Variants in SLFN12L observed in about 807,000 individuals in gnomAD.
SLFN12L encodes the protein schlafen family member 12 like, also known as schlafen family member 12-like.
SLFN12L carries 34 observed loss-of-function variants against 34.8 expected under a neutral mutation model. The ratio of observed to expected loss-of-function variants is 0.98; its 90% CI spans 0.74 to 1.30. The LOEUF (loss-of-function observed/expected upper bound fraction) is 1.30, where lower values mean the gene tolerates loss of function less well. Ranked by LOEUF, SLFN12L falls within the 50% of genes most tolerant of loss-of-function variation. SLFN12L has a pLI of 0.00. For missense variants in SLFN12L, 703 were observed against 696.2 expected (o/e 1.01, Z -0.11); for synonymous variants, 259 against 247.5 (o/e 1.05, Z -0.44).
intron 4 of SLFN12L, 117 bp from the exon 5 acceptor site, chr17:35,475,602 G>C: frequency 7.0e-7 from 1 of 1,420,632 alleles, no homozygotes; most frequent in Non-Finnish European, 9.2e-7. Context: ...TAAAAGCTAT[G>C]TAAAAGTGTA....
rs1331983872 is a variant in SLFN12L at position 35,467,928 on chromosome 17, G to A, written c.*6995C>T. 2.0e-5 allele frequency among the ~76,000 whole-genome samples: 3 copies of A among 152,216 alleles called. No individual in the cohort carries two copies. Among genetic ancestry groups the A allele is most frequent in the Admixed American group, 1.3e-4 (2 of 15,290 alleles). ...TTGTTTTTGCTTTTTGTTTTGGTCT[G>A]AGACAAGGTCTCACTCTGTTACCCA... On this transcript the variant is annotated 3_prime_UTR_variant, in exon 5 of 5. Transcript: ENST00000628453.
At position 35,467,901 on chromosome 17, in the gene SLFN12L, GT is replaced by G. The variant is rs769404202; in HGVS notation, c.*7021del. Reference sequence around the variant, plus strand: ...TCTGTTTATCTTTTTTGTTTTGTTTGTTTGTTTTTGCTTTTTGTTTTGGTCT... The same window carrying G: ...TCTGTTTATCTTTTTTGTTTTGTTTGTTGTTTTTGCTTTTTGTTTTGGTCT... On this transcript the variant is annotated 3_prime_UTR_variant, in exon 5 of 5. Transcript: ENST00000628453. 5.3e-5 allele frequency among the ~76,000 whole-genome samples: 8 copies of G among 152,174 alleles called. No individual in the cohort carries two copies. Among genetic ancestry groups the G allele is most frequent in the Non-Finnish European group, 8.8e-5 (6 of 67,994 alleles).
intron 2 of SLFN12L, chr17:35,498,145 G>T (rs907781670): frequency 1.6e-5 from 10 of 615,980 alleles, no homozygotes; most frequent in Admixed American, 1.3e-4. Context: ...CAGCAGAGAC[G>T]ACGGAGGCGG....
intron 2 of SLFN12L, among the ~76,000 whole-genome samples, chr17:35,485,070 T>C (rs1198444607): frequency 1.3e-5 from 2 of 152,224 alleles, no homozygotes; most frequent in East Asian, 1.9e-4. Context: ...ATAAAATCAA[T>C]AGTAATGTCT....
chr17:35,519,824 G>C (rs1045431325), intron 2 of SLFN12L, among the ~76,000 whole-genome samples: 6 of 152,014 alleles, frequency 3.9e-5, no homozygotes, highest in African/African-American at 1.5e-4. Context: ...AAAATCCTAA[G>C]CCCCCCAACC....
At position 35,474,687 on chromosome 17, in the gene SLFN12L, C is replaced by CA. The variant is rs765737302; in HGVS notation, c.*235_*236insT. 4 of 269,878 alleles carry CA rather than the reference C, an allele frequency of 1.5e-5. No individual in the cohort carries two copies. Among genetic ancestry groups the CA allele is most frequent in the African/African-American group, 3.7e-5 (1 of 27,096 alleles). 16.7% of individuals were successfully genotyped at this position (269,878 alleles called of 1,614,324 possible). On this transcript the variant is annotated 3_prime_UTR_variant, in exon 5 of 5. Coordinates refer to ENST00000628453, the MANE Select transcript of SLFN12L (RefSeq NM_001363830.2). ...CTGTACTCCTAGCACTTTGGGAGAC[C>CA]GGGGGGGGGGGTTGAATCACGAGGT...
intron 2 of SLFN12L, among the ~76,000 whole-genome samples, chr17:35,505,671 A>G (rs991605768): frequency 6.6e-6 from 1 of 152,132 alleles, no homozygotes; most frequent in African/African-American, 2.4e-5. Context: ...TTCTAGTGGG[A>G]CCAATCTCCA....
At chr17:35,497,811 C>A (rs1009116661) in intron 2 of SLFN12L, among the ~76,000 whole-genome samples, 37 of 152,144 alleles carry the variant, frequency 2.4e-4, no homozygotes, top group African/African-American at 8.7e-4. Context: ...ACTTCAGAAG[C>A]ATTAAATTTG....
At chr17:35,483,041 C>T (rs537800714) in intron 2 of SLFN12L, among the ~76,000 whole-genome samples, 16 of 152,200 alleles carry the variant, frequency 1.1e-4, no homozygotes, top group African/African-American at 2.2e-4. Flanking sequence ...GACAACCAGC[C>T]GCAGAGTGGA....
intron 2 of SLFN12L, among the ~76,000 whole-genome samples, chr17:35,507,851 T>G (rs1054532462): frequency 1.2e-4 from 19 of 152,018 alleles, no homozygotes; most frequent in African/African-American, 4.1e-4. Flanking sequence ...AAGACATGGG[T>G]AGTGAGAATG....
At chr17:35,529,395 CAT>C in intron 1 of SLFN12L, among the ~76,000 whole-genome samples, 1 of 152,298 alleles carries the variant, frequency 6.6e-6, no homozygotes, top group South Asian at 2.1e-4. Flanking sequence ...CACATACACA[CAT>C]ATGTTTATTG....
chr17:35,530,853 T>G (rs1233846259), intron 1 of SLFN12L, among the ~76,000 whole-genome samples: 2 of 152,184 alleles, frequency 1.3e-5, no homozygotes, highest in African/African-American at 4.8e-5. Context: ...TGAAAACATT[T>G]CGTTATTTGA....
chr17:35,508,866 A>G (rs1482074873), intron 2 of SLFN12L, among the ~76,000 whole-genome samples: 1 of 152,090 alleles, frequency 6.6e-6, no homozygotes, highest in African/African-American at 2.4e-5. Context: ...AGAGTTTGGG[A>G]TTATTCTGGG....
rs1313280286 is a variant in SLFN12L, at chr17:35,517,577, G to A, written c.86+4702C>T. On this transcript the variant is annotated intron_variant, in intron 2 of 4. Coordinates refer to ENST00000628453, the MANE Select transcript of SLFN12L (RefSeq NM_001363830.2). ...AAATTTCATATGGAACCAAAAAAGA[G>A]CCCATATAGCCAAGACAATCCTAAG... is the stretch of plus-strand genomic sequence containing the variant. 1.7e-4 allele frequency among the ~76,000 whole-genome samples: 26 copies of A among 152,104 alleles called. 1 individual carries two copies. The highest frequency in any genetic ancestry group is 1.7e-3 in the Admixed American group (26 of 15,262).
intron 2 of SLFN12L, among the ~76,000 whole-genome samples, chr17:35,489,377 C>T (rs1326491827): frequency 6.6e-6 from 1 of 151,708 alleles, no homozygotes; most frequent in Non-Finnish European, 1.5e-5. Context: ...TATAAGGAGA[C>T]GTCATCTCTA....
In SLFN12L at chr17:35,475,267, A is replaced by G. The variant is rs1009576898; in HGVS notation, c.1495T>C (p.Tyr499His). Residue 499 changes from tyrosine (Y) to histidine (H), a missense_variant, in exon 5 of 5, where the codon TAC (tyrosine) becomes CAC (histidine). Physicochemically the swap from Tyr to His is moderately conservative, Grantham distance 83. Transcript: ENST00000628453. ...TCATCCTGTACCATGTGGAAGGTGT[A>G]TAGGACTGGAGGCTTGTCCTGGGAA... ...LISQDKPPVL[Y>H]TFHMVQDEEF... 2.5e-6 allele frequency: 4 copies of G among 1,614,178 alleles called. No homozygotes were observed. The highest frequency in any genetic ancestry group is 3.4e-6 in the Non-Finnish European group (4 of 1,180,038).
intron 4 of SLFN12L, among the ~76,000 whole-genome samples, chr17:35,476,052 C>T (rs1913990330): frequency 6.6e-6 from 1 of 151,980 alleles, no homozygotes; most frequent in Admixed American, 6.6e-5. Flanking sequence ...CAGGAAGTAG[C>T]TTCACATTCA....
At position 35,470,110 on chromosome 17, in the gene SLFN12L, C is replaced by T. The variant is rs1913782492; in HGVS notation, c.*4813G>A. 6.6e-6 allele frequency: 1 copy of T among 152,234 alleles called. No homozygotes were observed. The highest frequency in any genetic ancestry group is 2.1e-4 in the South Asian group (1 of 4,840). The allele number at this position is 152,234 out of a possible 1,614,324, so 9.4% of individuals were successfully genotyped here. ...CAGTCACCTCCATAAATCAAAACTTCAAGAGTACATTTTCATATAATATTT... is the reference window on the plus strand; with the variant it reads ...CAGTCACCTCCATAAATCAAAACTTTAAGAGTACATTTTCATATAATATTT... On this transcript the variant is annotated 3_prime_UTR_variant, in exon 5 of 5. Coordinates refer to ENST00000628453, the MANE Select transcript of SLFN12L (RefSeq NM_001363830.2).
At chr17:35,520,483 G>C (rs1915964242) in intron 2 of SLFN12L, among the ~76,000 whole-genome samples, 1 of 152,194 alleles carries the variant, frequency 6.6e-6, no homozygotes, top group African/African-American at 2.4e-5. Context: ...GATGGCTCAT[G>C]CCTGTAATCC....
Sources: allele counts gnomAD v4.1 joint callset (sites outside exome capture counted in the v4.1 genomes callset), GRCh38; gene constraint gnomAD v4.1.1; transcripts MANE v1.5; gene names NCBI Gene and HGNC (gene_info 2026-07-23, HGNC 2026-07-21).